The following CNOT7 variants were observed in gnomAD, a reference collection of about 807,000 sequenced individuals.
CNOT7 encodes the protein BTG1-binding factor 1.
CNOT7 carries 4 observed loss-of-function variants against 37.1 expected under a neutral mutation model. The observed-to-expected ratio is 0.11, with a 90% confidence interval of 0.05 to 0.25. The LOEUF (loss-of-function observed/expected upper bound fraction) is 0.25, where lower values mean the gene tolerates loss of function less well. Among genes scored for constraint, CNOT7 ranks in the 10% least tolerant of loss-of-function variants. The pLI is 1.00. For synonymous variants in CNOT7, 128 were observed against 115.6 expected, an observed-to-expected ratio of 1.11 and a Z score of -0.69; for missense variants, 170 against 336.2, an observed-to-expected ratio of 0.51 and a Z score of 3.87.
chr8:17,234,118 A>ACT (rs1331516049), intron 5 of CNOT7, among the ~76,000 whole-genome samples: 2 of 152,214 alleles, frequency 1.3e-5, no homozygotes, highest in Non-Finnish European at 2.9e-5. Flanking sequence ...TCAAAATGTT[A>ACT]CTACTATCTA....
intron 3 of CNOT7, chr8:17,241,523 T>C (rs898350449): frequency 6.6e-6 from 1 of 152,210 alleles, no homozygotes; most frequent in Non-Finnish European, 1.5e-5. Context: ...TATCTTTGTT[T>C]ATCTGACAAA....
rs1184694937 is a variant in CNOT7 at position 17,226,271 on chromosome 8, C to T, written c.*4449G>A. 3 of 150,620 alleles carry T rather than the reference C, an allele frequency of 2.0e-5. No individual in the cohort carries two copies. The highest frequency in any genetic ancestry group is 4.5e-5 in the Non-Finnish European group (3 of 67,398). The allele number at this position is 150,620 out of a possible 1,614,324, so 9.3% of individuals were successfully genotyped here. A position where few individuals can be genotyped will look rare whatever the true frequency, so the allele number is the denominator to read the frequency against. Reference sequence around the variant, plus strand: ...AGGGGACGGGAGGTAACATTTTGCTCAATTTGGGCTGAAAGTTGGTATCCC... The same window carrying T: ...AGGGGACGGGAGGTAACATTTTGCTTAATTTGGGCTGAAAGTTGGTATCCC... On this transcript the variant is annotated 3_prime_UTR_variant, in exon 7 of 7. Coordinates refer to ENST00000361272, the MANE Select transcript of CNOT7 (RefSeq NM_013354.7).
chr8:17,240,238 A>G (rs1809975761), intron 3 of CNOT7, among the ~76,000 whole-genome samples: 1 of 152,232 alleles, frequency 6.6e-6, no homozygotes, highest in Admixed American at 6.5e-5. Flanking sequence ...AACATCTCCT[A>G]ACATCAGTGT....
In CNOT7 at chr8:17,239,288, C is replaced by T. The variant is rs546261755; in HGVS notation, c.312-1915G>A. Among the ~76,000 whole-genome samples, 97 of 152,246 alleles carry T rather than the reference C, an allele frequency of 6.4e-4. 1 individual carries two copies. The highest frequency in any genetic ancestry group is 3.4e-3 in the Middle Eastern group (1 of 294). ...TGGTCTTAAACTGAGCTCAAACAAT[C>T]TGCCCACCCTGGCTTCCAACTGGCC... On this transcript the variant is annotated intron_variant, in intron 3 of 6. Coordinates refer to ENST00000361272, the MANE Select transcript of CNOT7 (RefSeq NM_013354.7).
intron 4 of CNOT7, among the ~76,000 whole-genome samples, chr8:17,235,246 C>G (rs916735345): frequency 6.6e-6 from 1 of 152,248 alleles, no homozygotes; most frequent in Non-Finnish European, 1.5e-5. Context: ...TGAATGGAAA[C>G]TTGGCCAGAA....
intron 4 of CNOT7, among the ~76,000 whole-genome samples, chr8:17,236,865 TC>T (rs1809433524): frequency 6.6e-6 from 1 of 152,140 alleles, no homozygotes; most frequent in Admixed American, 6.5e-5. Flanking sequence ...GTGAATGGTT[TC>T]CCCCGTAGAA....
At chr8:17,238,351 T>C (rs1221277363) in intron 3 of CNOT7, among the ~76,000 whole-genome samples, 1 of 137,348 alleles carries the variant, frequency 7.3e-6, no homozygotes, top group Non-Finnish European at 1.5e-5. Context: ...TCGTTATGGT[T>C]AGTCCTTTAG....
At chr8:17,239,041 A>G (rs1326113622) in intron 3 of CNOT7, among the ~76,000 whole-genome samples, 2 of 152,212 alleles carry the variant, frequency 1.3e-5, no homozygotes, top group Non-Finnish European at 2.9e-5. Flanking sequence ...AAAACAAAAT[A>G]AAAACCACTA....
intron 4 of CNOT7, among the ~76,000 whole-genome samples, chr8:17,235,109 C>A (rs543646971): frequency 7.2e-5 from 11 of 152,238 alleles, no homozygotes; most frequent in African/African-American, 2.4e-4. Flanking sequence ...CACTACCAAA[C>A]CAGCCTATGG....
At position 17,226,863 on chromosome 8, in the gene CNOT7, A is replaced by T. The variant is rs1808191239; in HGVS notation, c.*3857T>A. Reference sequence around the variant, plus strand: ...TAATTTCCAAAGTTACTCAGTGTTAAAAAACAGTGGTTGAGGATGGTTTTT... The same window carrying T: ...TAATTTCCAAAGTTACTCAGTGTTATAAAACAGTGGTTGAGGATGGTTTTT... On this transcript the variant is annotated 3_prime_UTR_variant, in exon 7 of 7. Transcript: ENST00000361272. 6.6e-6 allele frequency: 1 copy of T among 151,792 alleles called. No individual in the cohort carries two copies. Among genetic ancestry groups the T allele is most frequent in the South Asian group, 2.1e-4 (1 of 4,830 alleles). 9.4% of individuals were successfully genotyped at this position (151,792 alleles called of 1,614,324 possible).
chr8:17,238,164 T>C (rs186845192), intron 3 of CNOT7, among the ~76,000 whole-genome samples: 1 of 152,210 alleles, frequency 6.6e-6, no homozygotes, highest in Non-Finnish European at 1.5e-5. Flanking sequence ...ATCTGAAATA[T>C]TAAAACAAAA....
Position 17,227,378 on chromosome 8 carries a change from C to T in CNOT7, c.*3342G>A, listed in dbSNP as rs1808230870. On this transcript the variant is annotated 3_prime_UTR_variant, in exon 7 of 7. Transcript: ENST00000361272. ...AAAAAATAAAGCTAGGCAGTACTGACTAGTAAGAGGCAAAGAATTAACAGT... is the reference window on the plus strand; with the variant it reads ...AAAAAATAAAGCTAGGCAGTACTGATTAGTAAGAGGCAAAGAATTAACAGT... 6.6e-6 allele frequency: 1 copy of T among 151,810 alleles called. No homozygotes were observed. 9.4% of individuals were successfully genotyped at this position (151,810 alleles called of 1,614,324 possible).
chr8:17,244,797 C>T (rs1810670016), intron 2 of CNOT7: 2 of 409,962 alleles, frequency 4.9e-6, no homozygotes, highest in Non-Finnish European at 8.8e-6. Flanking sequence ...CTTATTCAAA[C>T]GGCCCATGGT....
intron 3 of CNOT7, among the ~76,000 whole-genome samples, chr8:17,239,634 G>C (rs1400763415): frequency 2.0e-5 from 3 of 152,128 alleles, no homozygotes; most frequent in African/African-American, 7.2e-5. Context: ...TGGGACTACA[G>C]GTGCTCACCA....
rs1369261582 is a variant in CNOT7, at chr8:17,224,974, G to C, written c.*5746C>G. On this transcript the variant is annotated 3_prime_UTR_variant, in exon 7 of 7. Transcript: ENST00000361272. ...GTCTGTATACACACATATAGCTCAA[G>C]AACAAGTTTTTATTATGCATGGGTT... 6.6e-6 allele frequency: 1 copy of C among 151,712 alleles called. No individual in the cohort carries two copies. The highest frequency in any genetic ancestry group is 2.4e-5 in the African/African-American group (1 of 41,400). The allele number at this position is 151,712 out of a possible 1,614,324, so 9.4% of individuals were successfully genotyped here.
intron 3 of CNOT7, among the ~76,000 whole-genome samples, chr8:17,241,027 A>G (rs552228776): frequency 4.6e-5 from 7 of 152,302 alleles, no homozygotes; most frequent in Admixed American, 3.3e-4. Context: ...AGGGTTGGAC[A>G]AGTTTACTTT....
In CNOT7 at chr8:17,227,245, T is replaced by C. The variant is rs982998936; in HGVS notation, c.*3475A>G. Reference sequence around the variant, plus strand: ...TCCCAGCATCGGTTGCATCACATCTTAGTAGATTCCACTTCAGGTTGTACT... The same window carrying C: ...TCCCAGCATCGGTTGCATCACATCTCAGTAGATTCCACTTCAGGTTGTACT... On this transcript the variant is annotated 3_prime_UTR_variant, in exon 7 of 7. Transcript: ENST00000361272. 1 of 151,900 alleles carries C rather than the reference T, an allele frequency of 6.6e-6. No individual in the cohort carries two copies. The highest frequency in any genetic ancestry group is 2.4e-5 in the African/African-American group (1 of 41,430). The allele number at this position is 151,900 out of a possible 1,614,324, so 9.4% of individuals were successfully genotyped here.
intron 3 of CNOT7, 150 bp from the exon 4 acceptor site, chr8:17,237,523 A>G (rs1265632700): frequency 1.6e-6 from 1 of 613,686 alleles, no homozygotes; most frequent in African/African-American, 1.8e-5. Flanking sequence ...TATGCAAGAA[A>G]AATGCAATTT....
At chr8:17,239,309 T>C (rs1271257785) in intron 3 of CNOT7, among the ~76,000 whole-genome samples, 1 of 152,150 alleles carries the variant, frequency 6.6e-6, no homozygotes, top group African/African-American at 2.4e-5. Flanking sequence ...GGCTTCCAAC[T>C]GGCCTCCCGA....
Sources: gnomAD v4.1 joint callset for allele counts (sites outside exome capture counted in the v4.1 genomes callset) on GRCh38, gnomAD v4.1.1 for gene constraint, MANE v1.5 for transcripts, NCBI Gene and HGNC (gene_info 2026-07-23, HGNC 2026-07-21) for gene names.